KCND2: variants seen among roughly 807,000 people sequenced by gnomAD.
KCND2 encodes the protein potassium voltage-gated channel subfamily D member 2.
A neutral mutation model predicts 54.4 loss-of-function variants in KCND2; 16 were observed. The ratio of observed to expected loss-of-function variants is 0.29; its 90% CI spans 0.20 to 0.45. The LOEUF (loss-of-function observed/expected upper bound fraction) is 0.45, where lower values mean the gene tolerates loss of function less well. Ranked by LOEUF, KCND2 falls within the 20% of genes least tolerant of loss-of-function variation. KCND2 has a pLI of 1.00. For synonymous variants in KCND2, 317 were observed against 310.7 expected (o/e 1.02, Z -0.21); for missense variants, 486 against 824.2 (o/e 0.59, Z 5.02).
At chr7:120,744,320 T>C (rs1174652827) in intron 4 of KCND2, among the ~76,000 whole-genome samples, 1 of 152,082 alleles carries the variant, frequency 6.6e-6, no homozygotes, top group Non-Finnish European at 1.5e-5. Flanking sequence ...TCCCTGTATT[T>C]TCCTTTTTTG....
chr7:120,284,525 AG>A (rs1181131503), intron 1 of KCND2, among the ~76,000 whole-genome samples: 1 of 152,182 alleles, frequency 6.6e-6, no homozygotes, highest in Non-Finnish European at 1.5e-5. Flanking sequence ...AATGCACATT[AG>A]AAACAATATT....
intron 1 of KCND2, among the ~76,000 whole-genome samples, chr7:120,656,378 G>T (rs1791803468): frequency 6.6e-6 from 1 of 152,056 alleles, no homozygotes. Context: ...CTGTGGACTG[G>T]ACTTGACTCA....
intron 1 of KCND2, among the ~76,000 whole-genome samples, chr7:120,424,249 T>G (rs1801668817): frequency 6.6e-6 from 1 of 152,202 alleles, no homozygotes. Context: ...GTTGGGTCTG[T>G]GATCCTGGGC....
At chr7:120,528,395 G>A (rs1262491914) in intron 1 of KCND2, among the ~76,000 whole-genome samples, 1 of 152,082 alleles carries the variant, frequency 6.6e-6, no homozygotes, top group Non-Finnish European at 1.5e-5. Context: ...ACACATTTTA[G>A]AAGATTGCTT....
intron 1 of KCND2, among the ~76,000 whole-genome samples, chr7:120,403,951 A>ACATT (rs1801311149): frequency 6.6e-6 from 1 of 152,174 alleles, no homozygotes; most frequent in African/African-American, 2.4e-5. Flanking sequence ...AATCATTTTC[A>ACATT]GAATTTTTAT....
chr7:120,508,760 TTTTG>T (rs1374780228), intron 1 of KCND2, among the ~76,000 whole-genome samples: 1 of 151,990 alleles, frequency 6.6e-6, no homozygotes, highest in African/African-American at 2.4e-5. Flanking sequence ...AGAAAGCCTA[TTTTG>T]CCACAAATAT....
intron 1 of KCND2, among the ~76,000 whole-genome samples, chr7:120,701,089 G>A (rs531058540): frequency 5.9e-5 from 9 of 151,874 alleles, no homozygotes; most frequent in Admixed American, 3.9e-4. Flanking sequence ...ATGATAGAAA[G>A]GGGAAAAATA....
rs143245827 is a variant in KCND2 at position 120,282,345 on chromosome 7, T to C, written c.1115+6598T>C. 8.2e-3 allele frequency among the ~76,000 whole-genome samples: 1,251 copies of C among 152,242 alleles called. 21 individuals are homozygous for C. Among genetic ancestry groups the C allele is most frequent in the African/African-American group, 0.029 (1,204 of 41,558 alleles). On this transcript the variant is annotated intron_variant, in intron 1 of 5. Coordinates refer to ENST00000331113, the MANE Select transcript of KCND2 (RefSeq NM_012281.3). Reference sequence around the variant, plus strand: ...AATAGAATTTTTTAAAATAGGGAAATATTGTCTGTAAATGACATAGGAGAT... The same window carrying C: ...AATAGAATTTTTTAAAATAGGGAAACATTGTCTGTAAATGACATAGGAGAT...
intron 1 of KCND2, among the ~76,000 whole-genome samples, chr7:120,406,182 C>T (rs903677787): frequency 6.6e-6 from 1 of 151,838 alleles, no homozygotes; most frequent in Non-Finnish European, 1.5e-5. Context: ...AAAATGGACA[C>T]AATTTACTTT....
intron 1 of KCND2, among the ~76,000 whole-genome samples, chr7:120,624,227 G>T (rs185749762): frequency 2.0e-5 from 3 of 152,036 alleles, no homozygotes; most frequent in African/African-American, 4.8e-5. Context: ...ATGTTAAATC[G>T]CATTCTAACT....
chr7:120,595,923 C>A lies in KCND2; in HGVS notation c.1116-136980C>A, dbSNP rs151205808. 4.3e-3 allele frequency among the ~76,000 whole-genome samples: 640 copies of A among 150,158 alleles called. 2 individuals carry two copies. Among genetic ancestry groups the A allele is most frequent in the African/African-American group, 0.015 (589 of 40,356 alleles). ...GGAGGGAGGCAGGCAGGCAGGCAGG[C>A]AGGAAGGAAGGGGAAATGGGGGAAG... On this transcript the variant is annotated intron_variant, in intron 1 of 5. Transcript: ENST00000331113.
At chr7:120,727,685 G>A (rs6466757) in intron 1 of KCND2, among the ~76,000 whole-genome samples, 64,429 of 151,944 alleles carry the variant, frequency 0.42, 15,842 homozygotes, top group African/African-American at 0.68. Context: ...GCACTTCCAT[G>A]TTGTACCTTT....
intron 1 of KCND2, among the ~76,000 whole-genome samples, chr7:120,460,965 T>C (rs919350969): frequency 6.6e-6 from 1 of 151,734 alleles, no homozygotes; most frequent in African/African-American, 2.4e-5. Flanking sequence ...ATATATTACT[T>C]GGAAAAAAGG....
intron 1 of KCND2, among the ~76,000 whole-genome samples, chr7:120,443,631 A>G (rs965861433): frequency 6.6e-6 from 1 of 151,942 alleles, no homozygotes; most frequent in African/African-American, 2.4e-5. Flanking sequence ...TGATCATGCC[A>G]TTCCTCAATT....
At chr7:120,479,112 G>GGTTGTAGT (rs764439963) in intron 1 of KCND2, among the ~76,000 whole-genome samples, 4 of 152,130 alleles carry the variant, frequency 2.6e-5, no homozygotes, top group Non-Finnish European at 4.4e-5. Context: ...TAAAATGCAT[G>GGTTGTAGT]GTTGTAGTGT....
At chr7:120,675,780 TA>T (rs1554384627) in intron 1 of KCND2, among the ~76,000 whole-genome samples, 1 of 152,124 alleles carries the variant, frequency 6.6e-6, no homozygotes, top group Non-Finnish European at 1.5e-5. Flanking sequence ...CATAGTATTA[TA>T]ATGAGTGATA....
intron 1 of KCND2, among the ~76,000 whole-genome samples, chr7:120,344,611 G>A (rs1433249905): frequency 6.6e-6 from 1 of 152,062 alleles, no homozygotes; most frequent in African/African-American, 2.4e-5. Context: ...TAACACTAGA[G>A]GTAAACTTTT....
At chr7:120,447,466 C>T (rs142899257) in intron 1 of KCND2, among the ~76,000 whole-genome samples, 140 of 152,036 alleles carry the variant, frequency 9.2e-4, no homozygotes, top group African/African-American at 3.3e-3. Flanking sequence ...TTGGAGCTTC[C>T]GTAGCCATAT....
chr7:120,472,414 G>A (rs1287430713), intron 1 of KCND2, among the ~76,000 whole-genome samples: 2 of 152,078 alleles, frequency 1.3e-5, no homozygotes, highest in Non-Finnish European at 2.9e-5. Flanking sequence ...TTGTGCTATG[G>A]TGGAAACTGC....
Sources: allele counts gnomAD v4.1 joint callset (sites outside exome capture counted in the v4.1 genomes callset), GRCh38; gene constraint gnomAD v4.1.1; transcripts MANE v1.5; gene names NCBI Gene and HGNC (gene_info 2026-07-23, HGNC 2026-07-21).